The following KSR2 variants were observed in gnomAD, a reference collection of about 807,000 sequenced individuals.
KSR2 encodes kinase suppressor of ras 2.
In KSR2, 25 loss-of-function variants were observed where a neutral mutation model predicts 107.8. That is an observed-to-expected ratio of 0.23 (90% CI 0.17 to 0.32). The LOEUF is 0.32. Among genes scored for constraint, KSR2 ranks in the 10% least tolerant of loss-of-function variants. The pLI, the probability that KSR2 is intolerant of heterozygous loss-of-function variation, is 1.00. For missense variants in KSR2, 887 were observed against 1,268.9 expected (o/e 0.70, Z 4.57); for synonymous variants, 480 against 507.0 (o/e 0.95, Z 0.71).
At chr12:117,824,020 A>C (rs1013804577) in intron 3 of KSR2, among the ~76,000 whole-genome samples, 7 of 152,060 alleles carry the variant, frequency 4.6e-5, no homozygotes, top group Non-Finnish European at 7.3e-5. Context: ...CAATGGATGA[A>C]TAGGTAAAGA....
intron 3 of KSR2, among the ~76,000 whole-genome samples, chr12:117,794,344 C>A (rs1310792163): frequency 1.6e-5 from 2 of 126,818 alleles, no homozygotes; most frequent in Admixed American, 8.2e-5. Context: ...TGCACACTCA[C>A]ACCAACAGGC....
chr12:117,628,634 C>G (rs1882653346), intron 5 of KSR2, among the ~76,000 whole-genome samples: 1 of 152,176 alleles, frequency 6.6e-6, no homozygotes, highest in African/African-American at 2.4e-5. Context: ...TGGGAGGTGC[C>G]TCCCAGTTAG....
At chr12:117,783,003 TG>T (rs1372073784) in intron 3 of KSR2, among the ~76,000 whole-genome samples, 3 of 152,160 alleles carry the variant, frequency 2.0e-5, no homozygotes, top group African/African-American at 7.2e-5. Context: ...AGGATAAAAA[TG>T]GTTTCACCAA....
intron 5 of KSR2, among the ~76,000 whole-genome samples, chr12:117,632,677 T>C (rs1882865688): frequency 1.3e-5 from 2 of 152,258 alleles, no homozygotes; most frequent in Non-Finnish European, 2.9e-5. Flanking sequence ...TTTTCGATCC[T>C]CTCCCTCCTC....
chr12:117,793,409 A>T (rs1890368307), intron 3 of KSR2, among the ~76,000 whole-genome samples: 1 of 148,254 alleles, frequency 6.7e-6, no homozygotes, highest in South Asian at 2.2e-4. Flanking sequence ...ACATGCACAC[A>T]TACACACCAA....
intron 14 of KSR2, among the ~76,000 whole-genome samples, chr12:117,522,712 T>G (rs979244848): frequency 6.6e-6 from 1 of 152,112 alleles, no homozygotes; most frequent in African/African-American, 2.4e-5. Flanking sequence ...CTTGCTACAC[T>G]TGGAAACCTG....
intron 5 of KSR2, among the ~76,000 whole-genome samples, chr12:117,631,124 T>A (rs574176981): frequency 6.6e-6 from 1 of 152,170 alleles, no homozygotes; most frequent in East Asian, 1.9e-4. Flanking sequence ...ACAGTGAAAC[T>A]CTGTCTCTAC....
chr12:117,524,056 C>T (rs373632967), intron 14 of KSR2, among the ~76,000 whole-genome samples: 7 of 152,274 alleles, frequency 4.6e-5, no homozygotes, highest in African/African-American at 9.6e-5. Flanking sequence ...TTGTAAATGA[C>T]GTTTTATTGG....
intron 1 of KSR2, among the ~76,000 whole-genome samples, chr12:117,885,105 G>A (rs1310365136): frequency 2.0e-5 from 3 of 152,182 alleles, no homozygotes; most frequent in African/African-American, 7.2e-5. Flanking sequence ...CAACAGCCCT[G>A]TTGCATGTGG....
intron 7 of KSR2, among the ~76,000 whole-genome samples, chr12:117,569,841 A>G (rs900557990): frequency 5.3e-5 from 8 of 152,298 alleles, no homozygotes; most frequent in East Asian, 1.9e-4. Flanking sequence ...GATTCACCCT[A>G]TAAGTTGACT....
At chr12:117,858,455 G>T (rs1893172446) in intron 2 of KSR2, among the ~76,000 whole-genome samples, 1 of 152,132 alleles carries the variant, frequency 6.6e-6, no homozygotes, top group African/African-American at 2.4e-5. Flanking sequence ...AAGATGGGGT[G>T]GGGTGGGGGC....
chr12:117,652,093 T>C (rs1883927499), intron 5 of KSR2, among the ~76,000 whole-genome samples: 4 of 152,146 alleles, frequency 2.6e-5, no homozygotes, highest in South Asian at 2.1e-4. Flanking sequence ...CTCATTGATA[T>C]GTGGGAACTA....
At chr12:117,725,084 T>TCACACA (rs35413272) in intron 4 of KSR2, among the ~76,000 whole-genome samples, 19 of 121,484 alleles carry the variant, frequency 1.6e-4, no homozygotes, top group African/African-American at 3.3e-4. Flanking sequence ...TCTCTCTCTC[T>TCACACA]CACACACACA....
chr12:117,589,327 T>C (rs1036528918), intron 5 of KSR2, among the ~76,000 whole-genome samples: 1 of 152,216 alleles, frequency 6.6e-6, no homozygotes, highest in South Asian at 2.1e-4. Context: ...AGCTAACTTT[T>C]ATTAAGCACC....
intron 4 of KSR2, among the ~76,000 whole-genome samples, chr12:117,731,783 A>G (rs1887723008): frequency 6.6e-6 from 1 of 151,586 alleles, no homozygotes. Context: ...CTCAGGGTTA[A>G]ATGGATTAAG....
chr12:117,718,753 A>G (rs1025906435), intron 4 of KSR2, among the ~76,000 whole-genome samples: 1 of 152,200 alleles, frequency 6.6e-6, no homozygotes, highest in Non-Finnish European at 1.5e-5. Flanking sequence ...ACTTGGGACT[A>G]TTTTTAGCCT....
chr12:117,789,736 C>A (rs538691605), intron 3 of KSR2, among the ~76,000 whole-genome samples: 17 of 152,320 alleles, frequency 1.1e-4, no homozygotes, highest in Non-Finnish European at 7.4e-5. Context: ...TCCACCAATT[C>A]CTCCTATAAG....
At chr12:117,960,658 GC>G (rs1896635576) in intron 1 of KSR2, among the ~76,000 whole-genome samples, 1 of 152,172 alleles carries the variant, frequency 6.6e-6, no homozygotes, top group African/African-American at 2.4e-5. Context: ...ATACCTAACT[GC>G]AGGCATCTGA....
At chr12:117,867,673 C>A (rs112904283) in intron 1 of KSR2, among the ~76,000 whole-genome samples, 20 of 152,304 alleles carry the variant, frequency 1.3e-4, no homozygotes, top group African/African-American at 4.6e-4. Context: ...GTCAGGTTTT[C>A]CCAGACGTCC....
Sources: allele counts gnomAD v4.1 joint callset (sites outside exome capture counted in the v4.1 genomes callset), GRCh38; gene constraint gnomAD v4.1.1; transcripts MANE v1.5; gene names NCBI Gene and HGNC (gene_info 2026-07-23, HGNC 2026-07-21).